The following SIL1 variants were observed in gnomAD, a reference collection of about 807,000 sequenced individuals.
SIL1 encodes the protein nucleotide exchange factor SIL1.
A neutral mutation model predicts 49.1 loss-of-function variants in SIL1; 40 were observed. The observed-to-expected ratio is 0.81, with a 90% CI of 0.63 to 1.06. The LOEUF (loss-of-function observed/expected upper bound fraction) is 1.06, where lower values mean the gene tolerates loss of function less well. SIL1 is among the 50% of genes least tolerant of loss of function. The pLI, the probability that SIL1 is intolerant of heterozygous loss-of-function variation, is 0.00. For synonymous variants in SIL1, 253 were observed against 250.8 expected (o/e 1.01, Z -0.08); for missense variants, 500 against 572.6 (o/e 0.87, Z 1.29).
At position 139,127,603 on chromosome 5, in the gene SIL1, T is replaced by C. The variant is rs1750778883; in HGVS notation, c.105+136A>G. 6 of 715,214 alleles carry C rather than the reference T, an allele frequency of 8.4e-6. No homozygotes were observed. In the Admixed American group the frequency reaches 1.3e-4, roughly 15 times the overall value. The allele number at this position is 715,214 out of a possible 1,614,324, so 44.3% of individuals were successfully genotyped here. A position where few individuals can be genotyped will look rare whatever the true frequency, so the allele number is the denominator to read the frequency against. ...GGGAGGAAGAAGTCTACCTACTCCATGATCCACTGCCAGCCACACTCACAT... is the reference window on the plus strand; with the variant it reads ...GGGAGGAAGAAGTCTACCTACTCCACGATCCACTGCCAGCCACACTCACAT... On this transcript the variant is annotated intron_variant, in intron 2 of 9. Transcript: ENST00000394817.
chr5:138,957,244 C>T (rs1766921825), intron 7 of SIL1, among the ~76,000 whole-genome samples: 1 of 151,956 alleles, frequency 6.6e-6, no homozygotes, highest in African/African-American at 2.4e-5. Flanking sequence ...CAGTTTATTT[C>T]CTGAAACCAT....
chr5:139,068,182 GC>G (rs1314173939), intron 3 of SIL1, among the ~76,000 whole-genome samples: 2 of 152,160 alleles, frequency 1.3e-5, no homozygotes, highest in Non-Finnish European at 2.9e-5. Flanking sequence ...TGACTAGAGA[GC>G]AAAACTAAAC....
chr5:139,074,774 C>A (rs1458225711), intron 3 of SIL1, among the ~76,000 whole-genome samples: 5 of 152,090 alleles, frequency 3.3e-5, no homozygotes, highest in South Asian at 2.1e-4. Flanking sequence ...AATCATTTCC[C>A]TTCATCCCCT....
Position 138,988,181 on chromosome 5 carries a change from G to A in SIL1, c.767+32990C>T, listed in dbSNP as rs1467835692. 2.0e-5 allele frequency among the ~76,000 whole-genome samples: 3 copies of A among 152,124 alleles called. No individual in the cohort carries two copies. In the South Asian group the frequency reaches 6.2e-4, roughly 32 times the overall value. On this transcript the variant is annotated intron_variant, in intron 7 of 9. Coordinates refer to ENST00000394817, the MANE Select transcript of SIL1 (RefSeq NM_022464.5). ...ACAATTGTAAAGACAAAGCATTTGG[G>A]CCTCTCCAGAGTCCAAAGCTCCTGG... is the stretch of plus-strand genomic sequence containing the variant.
chr5:139,112,400 G>A (rs545322382), intron 3 of SIL1, among the ~76,000 whole-genome samples: 51 of 151,926 alleles, frequency 3.4e-4, no homozygotes, highest in South Asian at 6.2e-4. Context: ...AGGAAGTGAG[G>A]AGCGTCTCTG....
At chr5:139,094,838 T>C (rs1015807888) in intron 3 of SIL1, among the ~76,000 whole-genome samples, 3 of 152,256 alleles carry the variant, frequency 2.0e-5, no homozygotes, top group Admixed American at 6.5e-5. Context: ...TGCATTTACA[T>C]GTCATGTCCT....
At chr5:139,043,486 A>T (rs1460473281) in intron 4 of SIL1, among the ~76,000 whole-genome samples, 1 of 152,194 alleles carries the variant, frequency 6.6e-6, no homozygotes, top group African/African-American at 2.4e-5. Flanking sequence ...AGTTGGATAG[A>T]TTCACACCAT....
chr5:138,975,287 C>T (rs372198959), intron 7 of SIL1, among the ~76,000 whole-genome samples: 3 of 152,258 alleles, frequency 2.0e-5, no homozygotes, highest in Admixed American at 1.3e-4. Context: ...AGAGCTCAGC[C>T]TTCTCTCATG....
At chr5:139,056,271 T>C (rs1769420241) in intron 3 of SIL1, among the ~76,000 whole-genome samples, 1 of 146,630 alleles carries the variant, frequency 6.8e-6, no homozygotes, top group African/African-American at 2.6e-5. Flanking sequence ...GTGAGGAGCG[T>C]CTCTGCCCGG....
chr5:139,140,766 A>C (rs1038355184), intron 1 of SIL1, among the ~76,000 whole-genome samples: 1 of 152,186 alleles, frequency 6.6e-6, no homozygotes, highest in Admixed American at 6.5e-5. Flanking sequence ...ACAATTAAGG[A>C]GCAGAGGATT....
At chr5:139,141,579 C>G (rs1751081325) in intron 1 of SIL1, among the ~76,000 whole-genome samples, 1 of 152,000 alleles carries the variant, frequency 6.6e-6, no homozygotes, top group African/African-American at 2.4e-5. Context: ...ATGGCTTGAG[C>G]CCAGGAGTTC....
intron 1 of SIL1, among the ~76,000 whole-genome samples, chr5:139,183,178 G>A (rs900171766): frequency 6.6e-6 from 1 of 152,190 alleles, no homozygotes; most frequent in Non-Finnish European, 1.5e-5. Flanking sequence ...GCACAGGTCA[G>A]GTCTGGGTAA....
intron 7 of SIL1, among the ~76,000 whole-genome samples, chr5:138,979,669 A>G (rs115471793): frequency 6.6e-6 from 1 of 152,150 alleles, no homozygotes; most frequent in African/African-American, 2.4e-5. Context: ...ATACCCGGCT[A>G]ATTCATATTT....
At chr5:138,969,756 T>C (rs1580992997) in intron 7 of SIL1, among the ~76,000 whole-genome samples, 1 of 152,342 alleles carries the variant, frequency 6.6e-6, no homozygotes, top group East Asian at 1.9e-4. Flanking sequence ...ATTAGATTTA[T>C]TCTAAGAGCT....
intron 7 of SIL1, among the ~76,000 whole-genome samples, chr5:138,985,538 C>T (rs1173453877): frequency 2.0e-5 from 3 of 152,198 alleles, no homozygotes; most frequent in African/African-American, 7.2e-5. Flanking sequence ...CAGCACGCTG[C>T]CAGGGACTTG....
chr5:138,947,326 C>G lies in SIL1; in HGVS notation c.1177G>C (p.Ala393Pro), dbSNP rs1431633313. 1.2e-6 allele frequency: 2 copies of G among 1,613,512 alleles called. No individual in the cohort carries two copies. Among genetic ancestry groups the G allele is most frequent in the Non-Finnish European group, 1.7e-6 (2 of 1,180,046 alleles). Reference sequence around the variant, plus strand: ...AGTGTCTGCAGCACCTTCTCACGGGCATCATGCTCGGGCAGCGCCAGGAGG... The same window carrying G: ...AGTGTCTGCAGCACCTTCTCACGGGGATCATGCTCGGGCAGCGCCAGGAGG... ...AHLLALPEHD[A>P]REKVLQTLGV... Residue 393 changes from alanine (A) to proline (P), a missense_variant, in exon 10 of 10, where the codon GCC (alanine) becomes CCC (proline). Coordinates refer to ENST00000394817, the MANE Select transcript of SIL1 (RefSeq NM_022464.5). The surrounding 1 kb of genome is among the most constrained non-coding windows in gnomAD (Gnocchi z 4.1).
chr5:138,994,699 T>A (rs971281871), intron 7 of SIL1, among the ~76,000 whole-genome samples: 1 of 152,208 alleles, frequency 6.6e-6, no homozygotes. Context: ...GTGTAATAAA[T>A]TTTTAATAAA....
chr5:139,080,663 A>G (rs554542749), intron 3 of SIL1, among the ~76,000 whole-genome samples: 1 of 152,236 alleles, frequency 6.6e-6, no homozygotes, highest in Non-Finnish European at 1.5e-5. Flanking sequence ...GTCATTGTCC[A>G]GTACATGGTT....
chr5:139,075,460 G>A (rs937659307), intron 3 of SIL1, among the ~76,000 whole-genome samples: 5 of 152,034 alleles, frequency 3.3e-5, no homozygotes, highest in African/African-American at 4.8e-5. Context: ...AAAATGATAC[G>A]TGTGCCTAGT....
Sources: gnomAD v4.1 joint callset for allele counts (sites outside exome capture counted in the v4.1 genomes callset) on GRCh38, gnomAD v4.1.1 for gene constraint, Gnocchi (gnomAD v3.1) non-coding constraint, MANE v1.5 for transcripts, NCBI Gene and HGNC (gene_info 2026-07-23, HGNC 2026-07-21) for gene names.